The following GREB1L variants were observed in gnomAD, a reference collection of about 807,000 sequenced individuals.
The protein encoded by GREB1L is GREB1 like retinoic acid receptor coactivator.
Under a neutral mutation model 200.8 loss-of-function variants are expected in GREB1L, and 17 were observed. That is an observed-to-expected ratio of 0.08 (90% CI 0.06 to 0.13). The LOEUF (loss-of-function observed/expected upper bound fraction) is 0.13. GREB1L is among the 10% of genes least tolerant of loss of function. The pLI is 1.00. For synonymous variants in GREB1L, 789 were observed against 893.0 expected (o/e 0.88, Z 2.08); for missense variants, 1,657 against 2,367.7 (o/e 0.70, Z 6.23).
At chr18:21,465,340 C>T (rs1199721412) in intron 15 of GREB1L, among the ~76,000 whole-genome samples, 16 of 152,020 alleles carry the variant, frequency 1.1e-4, no homozygotes, top group East Asian at 1.9e-4. Context: ...TACTGAAACT[C>T]GAATATGGGC....
rs144999300 is a variant in GREB1L at position 21,480,293 on chromosome 18, G to A, written c.2556+2937G>A. 9.7e-4 allele frequency among the ~76,000 whole-genome samples: 147 copies of A among 152,318 alleles called. 1 individual carries two copies. The highest frequency in any genetic ancestry group is 3.0e-3 in the African/African-American group (126 of 41,564). Reference sequence around the variant, plus strand: ...TTGAACCCAGGAAGTGGAGATTGCAGTGAGCCGAGATTATGCCACTGCACT... The same window carrying A: ...TTGAACCCAGGAAGTGGAGATTGCAATGAGCCGAGATTATGCCACTGCACT... On this transcript the variant is annotated intron_variant, in intron 17 of 32. Transcript: ENST00000424526.
At chr18:21,333,165 G>A (rs1428099858) in intron 1 of GREB1L, among the ~76,000 whole-genome samples, 1 of 151,992 alleles carries the variant, frequency 6.6e-6, no homozygotes, top group Non-Finnish European at 1.5e-5. Flanking sequence ...AGGTAGTAGA[G>A]GTTTCCCAGA....
At chr18:21,356,156 T>G (rs893620258) in intron 1 of GREB1L, among the ~76,000 whole-genome samples, 10 of 150,426 alleles carry the variant, frequency 6.6e-5, no homozygotes, top group Admixed American at 6.6e-4. Flanking sequence ...TTTTTTTTTG[T>G]ATTTTTAGTA....
At chr18:21,423,192 G>T (rs1409430541) in intron 7 of GREB1L, among the ~76,000 whole-genome samples, 1 of 152,138 alleles carries the variant, frequency 6.6e-6, no homozygotes, top group Non-Finnish European at 1.5e-5. Flanking sequence ...GCCTCCTAAA[G>T]TACTGGGATT....
At chr18:21,376,634 C>A (rs1319021098) in intron 2 of GREB1L, among the ~76,000 whole-genome samples, 1 of 151,000 alleles carries the variant, frequency 6.6e-6, no homozygotes, top group Non-Finnish European at 1.5e-5. Context: ...GAAACCCCAT[C>A]TCTACTAAAA....
intron 31 of GREB1L, among the ~76,000 whole-genome samples, chr18:21,519,519 A>G (rs1179703359): frequency 6.6e-6 from 1 of 152,162 alleles, no homozygotes; most frequent in East Asian, 1.9e-4. Context: ...GTATTTATGT[A>G]AGTACTGTAA....
intron 1 of GREB1L, among the ~76,000 whole-genome samples, chr18:21,260,993 T>C (rs994517481): frequency 3.3e-5 from 5 of 152,092 alleles, no homozygotes; most frequent in African/African-American, 1.2e-4. Flanking sequence ...AGTATGATAC[T>C]GAGTATTATT....
At chr18:21,261,142 A>G (rs2037883711) in intron 1 of GREB1L, among the ~76,000 whole-genome samples, 1 of 152,060 alleles carries the variant, frequency 6.6e-6, no homozygotes, top group African/African-American at 2.4e-5. Flanking sequence ...TATGACACAC[A>G]CATATCTATA....
Position 21,278,309 on chromosome 18 carries a change from G to A in GREB1L, c.-120+35916G>A, listed in dbSNP as rs1256926327. ...GCAGGAGAATCGCTTGAACCTGGGA[G>A]GCAGAGGTTTCAGTGAGCCGAGATC... On this transcript the variant is annotated intron_variant, in intron 1 of 32. Transcript: ENST00000424526. 1.1e-4 allele frequency among the ~76,000 whole-genome samples: 17 copies of A among 150,928 alleles called. No individual in the cohort carries two copies. The Admixed American group carries it at 1.1e-3, about 10-fold the overall frequency.
chr18:21,462,298 C>T (rs1568031496), intron 15 of GREB1L, among the ~76,000 whole-genome samples: 1 of 152,198 alleles, frequency 6.6e-6, no homozygotes, highest in Non-Finnish European at 1.5e-5. Context: ...AGTAAGGAAA[C>T]AGAATAAAAG....
intron 7 of GREB1L, among the ~76,000 whole-genome samples, chr18:21,419,361 T>C (rs1243335395): frequency 6.6e-6 from 1 of 152,202 alleles, no homozygotes; most frequent in Non-Finnish European, 1.5e-5. Context: ...TAAGTGAGCA[T>C]AAACATTGCA....
chr18:21,447,296 AT>A (rs1403599013), intron 11 of GREB1L, among the ~76,000 whole-genome samples: 2 of 152,122 alleles, frequency 1.3e-5, no homozygotes, highest in African/African-American at 2.4e-5. Flanking sequence ...AATTAAAAAA[AT>A]TTAAAAAAAA....
chr18:21,407,298 C>T (rs1220324526), intron 7 of GREB1L, among the ~76,000 whole-genome samples: 4 of 152,200 alleles, frequency 2.6e-5, no homozygotes, highest in South Asian at 4.1e-4. Context: ...ATGACATACA[C>T]ATAGATGATG....
chr18:21,485,721 T>C lies in GREB1L; in HGVS notation c.2658T>C (p.Thr886=). 6.4e-7 allele frequency: 1 copy of C among 1,551,492 alleles called. No individual in the cohort carries two copies. The highest frequency in any genetic ancestry group is 8.7e-7 in the Non-Finnish European group (1 of 1,146,924). The change falls in exon 18 of 33, where the codon ACT becomes ACC. Residue 886 remains threonine, a synonymous_variant. Coordinates refer to ENST00000424526, the MANE Select transcript of GREB1L (RefSeq NM_001142966.3). The part of the protein sequence containing the change: ...ITSPLLRCDE[T]FEKMVNTLLE... ...GCCCACTTCTGAGATGTGACGAGAC[T>C]TTTGAAAAAATGGTGAACACACTCT...
intron 15 of GREB1L, among the ~76,000 whole-genome samples, chr18:21,469,497 G>T (rs2035397704): frequency 6.6e-6 from 1 of 151,974 alleles, no homozygotes; most frequent in East Asian, 1.9e-4. Flanking sequence ...GTATTGTTCT[G>T]CCTCAACACT....
intron 4 of GREB1L, among the ~76,000 whole-genome samples, chr18:21,386,246 T>G (rs140766264): frequency 2.0e-5 from 3 of 152,308 alleles, no homozygotes; most frequent in African/African-American, 7.2e-5. Flanking sequence ...GGGAAGGCAT[T>G]TAAAACACAA....
intron 1 of GREB1L, among the ~76,000 whole-genome samples, chr18:21,315,795 C>A (rs2038858391): frequency 1.3e-5 from 2 of 152,124 alleles, no homozygotes; most frequent in South Asian, 2.1e-4. Flanking sequence ...ATCCAGAATT[C>A]TCAGACTCTT....
chr18:21,376,478 G>A (rs1447305328), intron 2 of GREB1L, among the ~76,000 whole-genome samples: 4 of 149,198 alleles, frequency 2.7e-5, no homozygotes, highest in Non-Finnish European at 4.4e-5. Context: ...AAAATCTCAC[G>A]TCACTTCTGT....
chr18:21,274,911 A>T (rs2038137270), intron 1 of GREB1L, among the ~76,000 whole-genome samples: 1 of 151,766 alleles, frequency 6.6e-6, no homozygotes, highest in Non-Finnish European at 1.5e-5. Context: ...TAATTAATTT[A>T]AAAAATTTTA....
Sources: allele counts gnomAD v4.1 joint callset (sites outside exome capture counted in the v4.1 genomes callset), GRCh38; gene constraint gnomAD v4.1.1; transcripts MANE v1.5; gene names NCBI Gene and HGNC (gene_info 2026-07-23, HGNC 2026-07-21).